Variants in TDRD12 observed in about 807,000 individuals in gnomAD.
TDRD12 encodes tudor domain containing 12, also known as putative ATP-dependent RNA helicase TDRD12.
In TDRD12, 158 loss-of-function variants were observed where a neutral mutation model predicts 133.5. That is an observed-to-expected ratio of 1.18 (90% CI 1.04 to 1.35). The LOEUF (loss-of-function observed/expected upper bound fraction) is 1.35. TDRD12 is among the 40% of genes most tolerant of loss of function. The pLI is 0.00. For synonymous variants in TDRD12, 460 were observed against 477.9 expected (o/e 0.96, Z 0.49); for missense variants, 1,443 against 1,321.3 (o/e 1.09, Z -1.43).
chr19:32,803,089 T>C (rs1180787862), exon 21 of TDRD12: 5 of 1,535,612 alleles, frequency 3.3e-6, no homozygotes, highest in Non-Finnish European at 4.4e-6. Context: ...CCAAAGAAGA[T>C]AAGAAAGCCG....
chr19:32,811,342 C>T, exon 24 of TDRD12: 1 of 1,536,148 alleles, frequency 6.5e-7, no homozygotes, highest in Non-Finnish European at 8.7e-7. Context: ...AACATTTCCA[C>T]ACACTTCCCC....
rs534851649 is a variant in TDRD12, at chr19:32,761,323, G to A, written c.865+4193G>A. On this transcript the variant is annotated intron_variant, in intron 8 of 27. Coordinates refer to ENST00000444215, the Ensembl canonical transcript of TDRD12. ...TTTTTTGTATTTTTAGTAGAGACGG[G>A]GTTTCACCGTGTTAGCCAGGATGGT... is the stretch of plus-strand genomic sequence containing the variant. Among the ~76,000 whole-genome samples, 161 of 152,136 alleles carry A rather than the reference G, an allele frequency of 1.1e-3. 2 individuals carry two copies. The highest frequency in any genetic ancestry group is 2.3e-3 in the Admixed American group (35 of 15,266).
intron 21 of TDRD12, among the ~76,000 whole-genome samples, 164 bp downstream of exon 21, chr19:32,803,306 A>G (rs1490977925): frequency 6.6e-6 from 1 of 152,192 alleles, no homozygotes; most frequent in South Asian, 2.1e-4. Flanking sequence ...TCCCCTCTGC[A>G]GGGCTGTCAG....
At chr19:32,800,269 A>G (rs1294535390) in exon 17 of TDRD12, 3 of 1,535,292 alleles carry the variant, frequency 2.0e-6, no homozygotes, top group East Asian at 2.4e-5. Context: ...GAACAAACAT[A>G]TAGAACATCT....
chr19:32,720,065 C>A, exon 1 of TDRD12: 1 of 1,548,472 alleles, frequency 6.5e-7, no homozygotes, highest in Non-Finnish European at 8.7e-7. Flanking sequence ...CCCTCGGGCG[C>A]CAGGAGGATG....
At chr19:32,772,817 A>G (rs1228486102) in exon 9 of TDRD12, 2 of 1,511,874 alleles carry the variant, frequency 1.3e-6, no homozygotes, top group Admixed American at 2.3e-5. Context: ...CTGAAAAGAA[A>G]CACCATTGCA....
chr19:32,761,973 G>C (rs1970164238), intron 8 of TDRD12, among the ~76,000 whole-genome samples: 1 of 152,134 alleles, frequency 6.6e-6, no homozygotes, highest in Non-Finnish European at 1.5e-5. Context: ...CAAAGTGCGG[G>C]GATTACAGGC....
At chr19:32,757,169 G>GA (rs1291513114) in intron 8 of TDRD12, 39 bp downstream of exon 8, 41 of 1,452,794 alleles carry the variant, frequency 2.8e-5, no homozygotes, top group Non-Finnish European at 3.8e-5. Flanking sequence ...TAGGCAGCAT[G>GA]AAAAAAATAT....
chr19:32,763,211 C>G (rs1364652726), intron 8 of TDRD12, among the ~76,000 whole-genome samples: 1 of 151,762 alleles, frequency 6.6e-6, no homozygotes, highest in Non-Finnish European at 1.5e-5. Flanking sequence ...TTTTTTTGTT[C>G]CTCTTTTGAC....
At position 32,783,147 on chromosome 19, in the gene TDRD12, G is replaced by T. The variant is rs1970815566; in HGVS notation, c.1121+5918G>T. On this transcript the variant is annotated intron_variant, in intron 11 of 27. Coordinates refer to ENST00000444215, the Ensembl canonical transcript of TDRD12. ...TCTTGAGTCTATTTTTGTGTAAGGT[G>T]TAAGGAAGGGGTCCAGTTTCAGTTT... 5.3e-5 allele frequency among the ~76,000 whole-genome samples: 8 copies of T among 152,140 alleles called. No individual in the cohort carries two copies. In the South Asian group the frequency reaches 1.7e-3, roughly 32 times the overall value.
chr19:32,816,887 C>T (rs1967198654), intron 26 of TDRD12, among the ~76,000 whole-genome samples: 1 of 152,172 alleles, frequency 6.6e-6, no homozygotes, highest in South Asian at 2.1e-4. Flanking sequence ...TACCTAATTA[C>T]CATATGAGAA....
chr19:32,826,533 G>A (rs986241201), exon 9 of TDRD12: 33 of 1,248,546 alleles, frequency 2.6e-5, no homozygotes, highest in South Asian at 7.6e-5. Flanking sequence ...GATTAGAAAC[G>A]ATGAACCTGT....
rs554711150 is a variant in TDRD12, at chr19:32,818,210, A to G, written c.3383+53A>G. On this transcript the variant is annotated intron_variant, in intron 27 of 27. Coordinates refer to ENST00000444215, the Ensembl canonical transcript of TDRD12. ...CCCAGAATGCCAGGGACAGGGGGCC[A>G]TGTGTGAGGGGGACAGTGCATGGGG... is the stretch of plus-strand genomic sequence containing the variant. The G allele has an allele frequency of 2.8e-4, 190 of 679,176 alleles. No individual in the cohort carries two copies. The African/African-American group carries it at 2.9e-3, about 10-fold the overall frequency. The allele number at this position is 679,176 out of a possible 1,614,324, so 42.1% of individuals were successfully genotyped here.
chr19:32,738,717 G>T (rs1969299133), intron 2 of TDRD12, 139 bp from the exon 3 acceptor site: 8 of 883,384 alleles, frequency 9.1e-6, no homozygotes, highest in African/African-American at 1.7e-5. Context: ...GGAGGCTGAG[G>T]CAGGAGAATT....
At chr19:32,825,950 C>G, downstream of TDRD12, 1 of 537,204 alleles carries the variant, frequency 1.9e-6, no homozygotes, top group Non-Finnish European at 3.2e-6. The surrounding 1 kb of genome is among the most constrained non-coding windows in gnomAD (Gnocchi z 4.1). Flanking sequence ...TTCTTTGCAG[C>G]TAGATACTAG....
chr19:32,811,301 G>C (rs529006727), exon 24 of TDRD12: 7 of 1,536,070 alleles, frequency 4.6e-6, no homozygotes, highest in Non-Finnish European at 5.2e-6. Context: ...GACGGGGCTC[G>C]TCACAAGGGA....
chr19:32,803,008 G>T, exon 21 of TDRD12: 1 of 1,536,058 alleles, frequency 6.5e-7, no homozygotes. Context: ...TGGGCGTCCT[G>T]CGCTACTTGG....
chr19:32,779,465 C>T (rs1210803513), intron 11 of TDRD12, among the ~76,000 whole-genome samples: 1 of 152,186 alleles, frequency 6.6e-6, no homozygotes, highest in Non-Finnish European at 1.5e-5. Flanking sequence ...TGCAGTCTTT[C>T]CCATTCCAGG....
At chr19:32,771,464 G>T (rs772686460) in intron 8 of TDRD12, among the ~76,000 whole-genome samples, 2 of 152,066 alleles carry the variant, frequency 1.3e-5, no homozygotes, top group African/African-American at 2.4e-5. Flanking sequence ...GGCCTGTTTG[G>T]TTTCATAAAT....
Sources: allele counts gnomAD v4.1 joint callset (sites outside exome capture counted in the v4.1 genomes callset), GRCh38; gene constraint gnomAD v4.1.1; non-coding constraint Gnocchi (gnomAD v3.1); transcripts MANE v1.5; gene names NCBI Gene and HGNC (gene_info 2026-07-23, HGNC 2026-07-21).